TMEM87B: variants seen among roughly 807,000 people sequenced by gnomAD.
The protein encoded by TMEM87B is transmembrane protein 87B.
A neutral mutation model predicts 80.3 loss-of-function variants in TMEM87B; 83 were observed. The observed-to-expected ratio is 1.03, with a 90% CI of 0.87 to 1.24. The LOEUF is 1.24. Among genes scored for constraint, TMEM87B ranks in the 50% most tolerant of loss-of-function variants. TMEM87B has a pLI of 0.00. For missense variants in TMEM87B, 625 were observed against 674.4 expected (o/e 0.93, Z 0.81); for synonymous variants, 219 against 230.5 (o/e 0.95, Z 0.45).
chr2:112,065,772 C>T (rs1317701797), intron 3 of TMEM87B, among the ~76,000 whole-genome samples: 2 of 151,908 alleles, frequency 1.3e-5, no homozygotes, highest in African/African-American at 4.8e-5. Context: ...CATTTCATTT[C>T]CTTTCCTTGT....
chr2:112,102,996 T>C (rs1033650688), intron 15 of TMEM87B, among the ~76,000 whole-genome samples: 1 of 152,066 alleles, frequency 6.6e-6, no homozygotes, highest in African/African-American at 2.4e-5. Flanking sequence ...AGAAAGAACA[T>C]GTGGAAAGGA....
chr2:112,112,668 A>G (rs1397766898), intron 17 of TMEM87B, among the ~76,000 whole-genome samples: 1 of 152,208 alleles, frequency 6.6e-6, no homozygotes, highest in Non-Finnish European at 1.5e-5. Context: ...CATTGTCTGA[A>G]TAACCCGCAA....
At chr2:112,089,858 C>G in intron 10 of TMEM87B, 140 bp downstream of exon 10, 1 of 744,706 alleles carries the variant, frequency 1.3e-6, no homozygotes, top group Non-Finnish European at 2.2e-6. Context: ...GGATGTTTCC[C>G]TTTTAAAATA....
chr2:112,081,473 G>GT lies in TMEM87B; in HGVS notation c.799dup (p.Tyr267LeufsTer2), dbSNP rs1678997298. On this transcript the variant is annotated frameshift_variant, in exon 8 of 19. Coordinates refer to ENST00000283206, the MANE Select transcript of TMEM87B (RefSeq NM_032824.3). LOFTEE classifies it high-confidence loss of function. ...TTTTTTGGGAATGCTTGAAAAAGCA[G>GT]TTTTTTATAGTGAATACCAAAACAT... 18 of 1,612,890 alleles carry GT rather than the reference G, an allele frequency of 1.1e-5. No individual in the cohort carries two copies. Among genetic ancestry groups the GT allele is most frequent in the African/African-American group, 6.7e-5 (5 of 74,846 alleles).
intron 14 of TMEM87B, among the ~76,000 whole-genome samples, chr2:112,099,473 T>C: frequency 6.7e-6 from 1 of 150,050 alleles, no homozygotes; most frequent in African/African-American, 2.4e-5. Flanking sequence ...TAAAGGCTAC[T>C]CAACCTGTAT....
intron 4 of TMEM87B, among the ~76,000 whole-genome samples, chr2:112,067,742 C>T (rs563508991): frequency 8.5e-4 from 129 of 152,360 alleles, no homozygotes; most frequent in Non-Finnish European, 8.1e-4. Context: ...ACCTTTGCAT[C>T]CATCATCCCA....
intron 11 of TMEM87B, 29 bp downstream of exon 11, chr2:112,091,812 T>A: frequency 6.7e-7 from 1 of 1,490,720 alleles, no homozygotes; most frequent in Non-Finnish European, 9.3e-7. Context: ...TTCAAAATAG[T>A]TTGTTGTATC....
At chr2:112,096,328 C>G (rs1278875100) in intron 11 of TMEM87B, among the ~76,000 whole-genome samples, 1 of 152,132 alleles carries the variant, frequency 6.6e-6, no homozygotes, top group Admixed American at 6.5e-5. Context: ...AAAAGACATT[C>G]CCTCATCGGT....
At chr2:112,082,675 T>C (rs961178825) in intron 8 of TMEM87B, among the ~76,000 whole-genome samples, 10 of 151,722 alleles carry the variant, frequency 6.6e-5, no homozygotes, top group East Asian at 1.9e-4. Context: ...TGTGTGTGTG[T>C]GCGTGTGCGT....
At chr2:112,109,920 C>G (rs945073556) in intron 17 of TMEM87B, among the ~76,000 whole-genome samples, 1 of 151,946 alleles carries the variant, frequency 6.6e-6, no homozygotes, top group Admixed American at 6.6e-5. Context: ...GCAGGCGCCA[C>G]CACACCCAGC....
At chr2:112,090,379 A>ATTGGTTGG (rs139232840) in intron 10 of TMEM87B, among the ~76,000 whole-genome samples, 1,770 of 150,100 alleles carry the variant, frequency 0.012, 13 homozygotes, top group Middle Eastern at 0.021. Flanking sequence ...TCATTGGTTG[A>ATTGGTTGG]TTGGTTGGTT....
At chr2:112,081,264 T>C (rs995466336) in intron 7 of TMEM87B, 71 bp from the exon 8 acceptor site, 27 of 1,476,080 alleles carry the variant, frequency 1.8e-5, no homozygotes, top group Non-Finnish European at 1.9e-6. Context: ...GGTTGGATAC[T>C]TGAATGTAGA....
chr2:112,058,307 C>T (rs1678143668), intron 1 of TMEM87B, among the ~76,000 whole-genome samples: 1 of 152,172 alleles, frequency 6.6e-6, no homozygotes, highest in Non-Finnish European at 1.5e-5. Flanking sequence ...AGGCCAGAGG[C>T]CTCAAACTCA....
At chr2:112,085,142 C>T (rs1468776901) in intron 8 of TMEM87B, among the ~76,000 whole-genome samples, 1 of 152,210 alleles carries the variant, frequency 6.6e-6, no homozygotes, top group African/African-American at 2.4e-5. Context: ...ATTGACTTCC[C>T]ACTGCCCTTA....
intron 5 of TMEM87B, among the ~76,000 whole-genome samples, chr2:112,075,324 TG>T (rs573866428): frequency 1.5e-4 from 23 of 152,076 alleles, no homozygotes; most frequent in Non-Finnish European, 2.8e-4. Context: ...CACTTGAACC[TG>T]GGAGGTGGAG....
chr2:112,100,779 A>G, intron 15 of TMEM87B, 84 bp downstream of exon 15: 1 of 776,712 alleles, frequency 1.3e-6, no homozygotes. Flanking sequence ...GCAAGGTCAC[A>G]TATATTGTTT....
chr2:112,111,995 C>T lies in TMEM87B; in HGVS notation c.1578-904C>T, dbSNP rs190187623. ...GCCTTCTGGTTCACCTTTCCTCTAA[C>T]GCCGTCTTCTCCCCCATATTTTCCT... On this transcript the variant is annotated intron_variant, in intron 17 of 18. Coordinates refer to ENST00000283206, the MANE Select transcript of TMEM87B (RefSeq NM_032824.3). 1.2e-3 allele frequency among the ~76,000 whole-genome samples: 185 copies of T among 152,298 alleles called. 3 individuals are homozygous for T. Among genetic ancestry groups the T allele is most frequent in the African/African-American group, 3.8e-3 (158 of 41,566 alleles).
At chr2:112,105,155 G>A (rs776288405) in intron 15 of TMEM87B, among the ~76,000 whole-genome samples, 2 of 151,852 alleles carry the variant, frequency 1.3e-5, no homozygotes, top group Admixed American at 6.6e-5. Flanking sequence ...ACACACACAC[G>A]CTTCAGTGTT....
chr2:112,100,076 A>G (rs918161948), intron 14 of TMEM87B, among the ~76,000 whole-genome samples: 1 of 152,146 alleles, frequency 6.6e-6, no homozygotes, highest in African/African-American at 2.4e-5. Flanking sequence ...TGTTTTCAGA[A>G]TGCTGTTGGA....
Sources: gnomAD v4.1 joint callset for allele counts (sites outside exome capture counted in the v4.1 genomes callset) on GRCh38, gnomAD v4.1.1 for gene constraint, MANE v1.5 for transcripts, NCBI Gene and HGNC (gene_info 2026-07-23, HGNC 2026-07-21) for gene names.